The following MAP7 variants were observed in gnomAD, a reference collection of about 807,000 sequenced individuals.
The protein encoded by MAP7 is microtubule associated protein 7.
In MAP7, 52 loss-of-function variants were observed where a neutral mutation model predicts 94.8. That is an observed-to-expected ratio of 0.55 (90% CI 0.44 to 0.69). The LOEUF is 0.69. MAP7 is among the 30% of genes least tolerant of loss of function. The pLI is 0.00. For missense variants in MAP7, 940 were observed against 964.6 expected (o/e 0.97, Z 0.34); for synonymous variants, 350 against 357.0 (o/e 0.98, Z 0.22).
intron 2 of MAP7, among the ~76,000 whole-genome samples, chr6:136,414,028 T>C (rs1263917771): frequency 7.3e-5 from 11 of 149,720 alleles, no homozygotes; most frequent in South Asian, 4.2e-4. Flanking sequence ...GGCGGGCGGA[T>C]CACGAGGTCA....
Position 136,489,809 on chromosome 6 carries a change from G to A in MAP7, c.67+60533C>T, listed in dbSNP as rs74898540. Among the ~76,000 whole-genome samples, 1,887 of 152,072 alleles carry A rather than the reference G, an allele frequency of 0.012. 85 individuals are homozygous for A. The East Asian group carries it at 0.14, about 11-fold the overall frequency. On this transcript the variant is annotated intron_variant, in intron 1 of 17. Transcript: ENST00000354570. Reference sequence around the variant, plus strand: ...CTCCTAAAGTGCTGGGATTACAGGCGTGAGTCACCGCACCTGGCCTGTAAC... The same window carrying A: ...CTCCTAAAGTGCTGGGATTACAGGCATGAGTCACCGCACCTGGCCTGTAAC...
chr6:136,421,372 C>A (rs1213692675), intron 2 of MAP7, among the ~76,000 whole-genome samples: 1 of 152,082 alleles, frequency 6.6e-6, no homozygotes, highest in African/African-American at 2.4e-5. Flanking sequence ...AAATTATTAC[C>A]CCTTTAAGCT....
chr6:136,423,130 C>T (rs1791922652), intron 1 of MAP7, among the ~76,000 whole-genome samples: 3 of 152,230 alleles, frequency 2.0e-5, no homozygotes, highest in Non-Finnish European at 4.4e-5. Context: ...AAGGCCCTTT[C>T]TCCCAGCTTC....
intron 1 of MAP7, among the ~76,000 whole-genome samples, chr6:136,504,928 C>T (rs901981189): frequency 1.2e-4 from 18 of 152,050 alleles, no homozygotes; most frequent in African/African-American, 4.1e-4. Context: ...GATCCTCCCA[C>T]CTTGGCTTCC....
At chr6:136,533,554 G>A (rs955756963) in intron 1 of MAP7, among the ~76,000 whole-genome samples, 9 of 152,166 alleles carry the variant, frequency 5.9e-5, no homozygotes, top group Non-Finnish European at 7.4e-5. Flanking sequence ...GTGTTAGTCC[G>A]TTTTGTGTTG....
At position 136,360,043 on chromosome 6, in the gene MAP7, G is replaced by T; in HGVS notation, c.1804-12C>A. On this transcript the variant is annotated splice_polypyrimidine_tract_variant and intron_variant, in intron 13 of 17. Coordinates refer to ENST00000354570, the MANE Select transcript of MAP7 (RefSeq NM_003980.6). ...ATCTCCTCAAGTCGCTATAGGAAAGGAAGAATTGAGCAAGAAGATTAGACA... is the reference window on the plus strand; with the variant it reads ...ATCTCCTCAAGTCGCTATAGGAAAGTAAGAATTGAGCAAGAAGATTAGACA... The T allele has an allele frequency of 6.2e-7, 1 of 1,605,254 alleles. No homozygotes were observed. The highest frequency in any genetic ancestry group is 1.3e-5 in the African/African-American group (1 of 74,506).
chr6:136,386,400 G>A (rs1387739470), intron 5 of MAP7, among the ~76,000 whole-genome samples: 3 of 152,066 alleles, frequency 2.0e-5, no homozygotes, highest in East Asian at 3.9e-4. Flanking sequence ...AACAGCTTGC[G>A]AATGCAACAC....
In MAP7 at chr6:136,471,021, A is replaced by G. The variant is rs115924948; in HGVS notation, c.68-49222T>C. On this transcript the variant is annotated intron_variant, in intron 1 of 17. Transcript: ENST00000354570. ...TTTGGTAGAATTGCGTTTATCTAAC[A>G]TAAATGCTGGGGAGCTTGGCTATTG... Among the ~76,000 whole-genome samples, 622 of 152,348 alleles carry G rather than the reference A, an allele frequency of 4.1e-3. 7 individuals carry two copies. The highest frequency in any genetic ancestry group is 0.014 in the African/African-American group (591 of 41,578).
chr6:136,357,095 T>C (rs1791202056), intron 15 of MAP7, among the ~76,000 whole-genome samples: 1 of 152,212 alleles, frequency 6.6e-6, no homozygotes, highest in Admixed American at 6.5e-5. Flanking sequence ...ACATGAAGTA[T>C]ATAATATTGA....
chr6:136,516,695 A>G (rs1196808376), intron 1 of MAP7, among the ~76,000 whole-genome samples: 1 of 152,240 alleles, frequency 6.6e-6, no homozygotes, highest in Non-Finnish European at 1.5e-5. Context: ...CTGAGTGACT[A>G]GAGAACAAAT....
chr6:136,520,216 A>AAAG (rs1554271268), intron 1 of MAP7, among the ~76,000 whole-genome samples: 4 of 147,638 alleles, frequency 2.7e-5, no homozygotes, highest in East Asian at 2.0e-4. Context: ...AAAAAAAAAA[A>AAAG]GGGGGGAGGA....
At chr6:136,359,923 GTGAAAA>G (rs745592737) in intron 14 of MAP7, 46 bp from the exon 15 acceptor site, 22 of 1,608,916 alleles carry the variant, frequency 1.4e-5, no homozygotes, top group Non-Finnish European at 1.9e-5. Flanking sequence ...AGAGTTACAA[GTGAAAA>G]TGAAAAAGAT....
chr6:136,467,149 C>A (rs778862405), intron 1 of MAP7, among the ~76,000 whole-genome samples: 1 of 152,126 alleles, frequency 6.6e-6, no homozygotes, highest in Non-Finnish European at 1.5e-5. Context: ...AACTCAGAGG[C>A]CCCAAACAGA....
intron 1 of MAP7, among the ~76,000 whole-genome samples, chr6:136,423,519 C>T (rs1229829059): frequency 2.0e-5 from 3 of 152,068 alleles, no homozygotes; most frequent in Non-Finnish European, 4.4e-5. Flanking sequence ...GCAGGAAGGT[C>T]TGGGTCAGCC....
At chr6:136,349,492 G>T (rs1788561356) in intron 16 of MAP7, among the ~76,000 whole-genome samples, 1 of 152,096 alleles carries the variant, frequency 6.6e-6, no homozygotes, top group Admixed American at 6.5e-5. Context: ...TCCCGCCTCA[G>T]CCTCCCGCGT....
At chr6:136,425,429 C>T (rs1792853434) in intron 1 of MAP7, among the ~76,000 whole-genome samples, 1 of 152,108 alleles carries the variant, frequency 6.6e-6, no homozygotes, top group African/African-American at 2.4e-5. Flanking sequence ...GAGGTTGAAC[C>T]ACATGAAATA....
rs1823995790 is a variant in MAP7 at position 136,513,923 on chromosome 6, C to T, written c.67+36419G>A. 6.6e-5 allele frequency among the ~76,000 whole-genome samples: 10 copies of T among 152,042 alleles called. No individual in the cohort carries two copies. In the South Asian group the frequency reaches 2.1e-3, roughly 32 times the overall value. The stretch of plus-strand genomic sequence containing the variant: ...TTGCAAGTGGTGGTGGTGGTTTTGC[C>T]CAGTCTGCCACCACTGGACTCTCTC... On this transcript the variant is annotated intron_variant, in intron 1 of 17. Transcript: ENST00000354570.
At chr6:136,506,099 T>C (rs1821428645) in intron 1 of MAP7, among the ~76,000 whole-genome samples, 1 of 152,150 alleles carries the variant, frequency 6.6e-6, no homozygotes, top group South Asian at 2.1e-4. Context: ...TTAAAGAAAA[T>C]TCTTGAGTAA....
intron 1 of MAP7, among the ~76,000 whole-genome samples, chr6:136,442,487 G>T (rs1269356994): frequency 6.6e-6 from 1 of 151,650 alleles, no homozygotes; most frequent in African/African-American, 2.4e-5. Context: ...TAAAACAGTG[G>T]TTCTTGAGGG....
Sources: allele counts gnomAD v4.1 joint callset (sites outside exome capture counted in the v4.1 genomes callset), GRCh38; gene constraint gnomAD v4.1.1; transcripts MANE v1.5; gene names NCBI Gene and HGNC (gene_info 2026-07-23, HGNC 2026-07-21).